TMPRSS11F: variants seen among roughly 807,000 people sequenced by gnomAD.
TMPRSS11F encodes transmembrane serine protease 11F.
TMPRSS11F carries 47 observed loss-of-function variants against 60.2 expected under a neutral mutation model. That is an observed-to-expected ratio of 0.78 (90% CI 0.62 to 1.00). The LOEUF (loss-of-function observed/expected upper bound fraction) is 1.00. Ranked by LOEUF, TMPRSS11F falls within the 50% of genes least tolerant of loss-of-function variation. The probability of loss-of-function intolerance (pLI) is 0.00; values close to 1 mark genes in which losing one functional copy is unlikely to be tolerated. For missense variants in TMPRSS11F, 519 were observed against 522.9 expected, an observed-to-expected ratio of 0.99 and a Z score of 0.07; for synonymous variants, 166 against 167.3, an observed-to-expected ratio of 0.99 and a Z score of 0.06.
rs1241472653 is a variant in TMPRSS11F, at chr4:68,086,887, A to G, written c.282+3636T>C. On this transcript the variant is annotated intron_variant, in intron 3 of 9. Coordinates refer to ENST00000356291, the MANE Select transcript of TMPRSS11F (RefSeq NM_207407.2). ...AAACTAAATCAGTAACAAAAAACCT[A>G]CAAACAAACAAAATCCCTGGACCAG... Among the ~76,000 whole-genome samples, 3 of 152,240 alleles carry G rather than the reference A, an allele frequency of 2.0e-5. No individual in the cohort carries two copies. The South Asian group carries it at 6.2e-4, about 32-fold the overall frequency.
intron 7 of TMPRSS11F, among the ~76,000 whole-genome samples, chr4:68,067,668 C>T (rs1412983124): frequency 6.6e-6 from 1 of 152,204 alleles, no homozygotes; most frequent in Non-Finnish European, 1.5e-5. Flanking sequence ...TGTAAATACA[C>T]ATATATAAGT....
At chr4:68,101,932 C>T (rs938263693) in intron 1 of TMPRSS11F, among the ~76,000 whole-genome samples, 2 of 152,062 alleles carry the variant, frequency 1.3e-5, no homozygotes, top group Admixed American at 6.6e-5. Flanking sequence ...ATTAGATCTC[C>T]AGACTTTCCA....
intron 3 of TMPRSS11F, among the ~76,000 whole-genome samples, chr4:68,087,087 C>G (rs1723829745): frequency 6.6e-6 from 1 of 152,094 alleles, no homozygotes; most frequent in Non-Finnish European, 1.5e-5. Flanking sequence ...AATATCAGGC[C>G]AATACTCCTT....
chr4:68,067,853 G>T lies in TMPRSS11F; in HGVS notation c.755+765C>A, dbSNP rs151129089. ...AGTAGTGCCACTGGCCAGGCAAAGG[G>T]TCTTTATTTAGAGTTTTGTCTTTGA... On this transcript the variant is annotated intron_variant, in intron 7 of 9. Transcript: ENST00000356291. 4.4e-3 allele frequency among the ~76,000 whole-genome samples: 666 copies of T among 152,256 alleles called. 1 individual carries two copies. Among genetic ancestry groups the T allele is most frequent in the Non-Finnish European group, 6.9e-3 (470 of 68,028 alleles).
chr4:68,108,084 T>A (rs1724338779), intron 1 of TMPRSS11F, among the ~76,000 whole-genome samples: 1 of 152,134 alleles, frequency 6.6e-6, no homozygotes, highest in South Asian at 2.1e-4. Context: ...TAGGGGACCC[T>A]TGCAATAGTT....
chr4:68,073,778 CTT>C, intron 4 of TMPRSS11F, among the ~76,000 whole-genome samples, 162 bp downstream of exon 4: 1 of 152,254 alleles, frequency 6.6e-6, no homozygotes, highest in Non-Finnish European at 1.5e-5. Context: ...CACCTTACGA[CTT>C]TCTATTGTGA....
chr4:68,093,359 A>G (rs1723984123), intron 2 of TMPRSS11F, among the ~76,000 whole-genome samples: 2 of 152,174 alleles, frequency 1.3e-5, no homozygotes, highest in Non-Finnish European at 2.9e-5. Flanking sequence ...AGAAAGCTGA[A>G]ACTGGATCCC....
At chr4:68,077,553 G>C (rs1336560388) in intron 3 of TMPRSS11F, 1 of 152,220 alleles carries the variant, frequency 6.6e-6, no homozygotes, top group African/African-American at 2.4e-5. Flanking sequence ...CTTAAGAGCA[G>C]GAAGATGCTG....
At chr4:68,123,337 C>A (rs1724657446) in intron 1 of TMPRSS11F, among the ~76,000 whole-genome samples, 1 of 152,054 alleles carries the variant, frequency 6.6e-6, no homozygotes, top group South Asian at 2.1e-4. Flanking sequence ...AAATCATGAA[C>A]GTCAAGAAAT....
chr4:68,053,694 C>T lies in TMPRSS11F; in HGVS notation c.*215G>A, dbSNP rs1722986044. ...TTCCCTTGTGAGTAAGGAATAGGTG[C>T]TGTCTGTCATTTGCTGTGTCTTCTT... On this transcript the variant is annotated 3_prime_UTR_variant, in exon 10 of 10. Transcript: ENST00000356291. 7.0e-6 allele frequency: 3 copies of T among 429,772 alleles called. No homozygotes were observed. The highest frequency in any genetic ancestry group is 8.2e-6 in the Non-Finnish European group (2 of 243,138). The allele number at this position is 429,772 out of a possible 1,614,324, so 26.6% of individuals were successfully genotyped here.
chr4:68,068,628 A>C lies in TMPRSS11F; in HGVS notation c.745T>G (p.Cys249Gly). The change falls in exon 7 of 10, where the codon TGC becomes GGC. Residue 249 changes from cysteine (C) to glycine (G), a missense_variant. Transcript: ENST00000356291. ...SNTWLLTAAHCFWKNKDPTQW... is the reference protein window; with the variant it reads ...SNTWLLTAAHGFWKNKDPTQW... ...CCTTGGTTAACTTACTTCCAAAAGC[A>C]GTGAGCTGCTGTGAGCAGCCATGTG... is the stretch of plus-strand genomic sequence containing the variant. 6.2e-7 allele frequency: 1 copy of C among 1,614,042 alleles called. No individual in the cohort carries two copies. Among genetic ancestry groups the C allele is most frequent in the Non-Finnish European group, 8.5e-7 (1 of 1,179,896 alleles).
rs58878382 is a variant in TMPRSS11F, at chr4:68,072,199, T to TTATATATA, written c.514+116_514+123dup. On this transcript the variant is annotated intron_variant, in intron 5 of 9. Transcript: ENST00000356291. ...TTTAGTTTTATTCCATGCTGAGATT[T>TTATATATA]TATATATATATATATATCTTCCAAA... The TTATATATA allele has an allele frequency of 3.8e-3, 346 of 91,692 alleles. 10 individuals are homozygous for TTATATATA. Among genetic ancestry groups the TTATATATA allele is most frequent in the African/African-American group, 0.014 (332 of 24,098 alleles). The allele number at this position is 91,692 out of a possible 1,614,324, so 5.7% of individuals were successfully genotyped here.
intron 1 of TMPRSS11F, among the ~76,000 whole-genome samples, chr4:68,127,125 T>C (rs750263299): frequency 6.6e-6 from 1 of 152,180 alleles, no homozygotes; most frequent in African/African-American, 2.4e-5. Context: ...AGGCCCTTCA[T>C]AGTCAGAATG....
chr4:68,084,126 A>T (rs1577921257), intron 3 of TMPRSS11F, among the ~76,000 whole-genome samples: 1 of 152,162 alleles, frequency 6.6e-6, no homozygotes, highest in Non-Finnish European at 1.5e-5. Flanking sequence ...AAGAAAAAAG[A>T]AATTTTAAAA....
At chr4:68,055,049 T>C (rs749392748) in intron 9 of TMPRSS11F, among the ~76,000 whole-genome samples, 1 of 152,030 alleles carries the variant, frequency 6.6e-6, no homozygotes, top group Non-Finnish European at 1.5e-5. Flanking sequence ...GGGGGTTAGG[T>C]GTGTTATAGG....
intron 1 of TMPRSS11F, among the ~76,000 whole-genome samples, chr4:68,113,596 C>T (rs1010682511): frequency 6.6e-6 from 1 of 151,954 alleles, no homozygotes; most frequent in Admixed American, 6.6e-5. Flanking sequence ...TAAAACGATC[C>T]GTAAATGTGT....
Position 68,071,573 on chromosome 4 carries a change from C to T in TMPRSS11F, c.514+750G>A, listed in dbSNP as rs1723464564. ...AAAATAAAAAGACACAGGTCCTGCC[C>T]TTGACATTTAAAATTTTATTTGAAA... On this transcript the variant is annotated intron_variant, in intron 5 of 9. Coordinates refer to ENST00000356291, the MANE Select transcript of TMPRSS11F (RefSeq NM_207407.2). Among the ~76,000 whole-genome samples, 3 of 152,148 alleles carry T rather than the reference C, an allele frequency of 2.0e-5. No individual in the cohort carries two copies. In the South Asian group the frequency reaches 6.2e-4, roughly 32 times the overall value.
chr4:68,093,593 C>A (rs1395326631), intron 2 of TMPRSS11F, among the ~76,000 whole-genome samples: 2 of 151,810 alleles, frequency 1.3e-5, no homozygotes, highest in Admixed American at 6.6e-5. Flanking sequence ...AAAGAAACTA[C>A]CATCAGAGTG....
chr4:68,087,491 G>A (rs1362774624), intron 3 of TMPRSS11F, among the ~76,000 whole-genome samples: 1 of 151,994 alleles, frequency 6.6e-6, no homozygotes, highest in East Asian at 1.9e-4. Context: ...ATTCAACATA[G>A]TACTAGAAGT....
Sources: gnomAD v4.1 joint callset for allele counts (sites outside exome capture counted in the v4.1 genomes callset) on GRCh38, gnomAD v4.1.1 for gene constraint, MANE v1.5 for transcripts, NCBI Gene and HGNC (gene_info 2026-07-23, HGNC 2026-07-21) for gene names.